Variants in PRSS36 observed in about 807,000 individuals in gnomAD.
PRSS36 encodes the protein polyserase-2.
PRSS36 carries 90 observed loss-of-function variants against 94.3 expected under a neutral mutation model. The observed-to-expected ratio is 0.95, with a 90% CI of 0.80 to 1.14. PRSS36 has a LOEUF of 1.14. Ranked by LOEUF, PRSS36 falls within the 50% of genes most tolerant of loss-of-function variation. PRSS36 has a pLI of 0.00. For missense variants in PRSS36, 1,158 were observed against 1,135.0 expected, an observed-to-expected ratio of 1.02 and a Z score of -0.29; for synonymous variants, 500 against 489.6, an observed-to-expected ratio of 1.02 and a Z score of -0.28.
chr16:31,149,313 C>A, intron 3 of PRSS36, 78 bp from the exon 4 acceptor site: 1 of 1,504,098 alleles, frequency 6.6e-7, no homozygotes, highest in Non-Finnish European at 9.0e-7. Context: ...AGGACGAAGG[C>A]CCGTCCTCCA....
intron 6 of PRSS36, 152 bp from the exon 7 acceptor site, chr16:31,143,989 A>C (rs2057759842): frequency 2.1e-6 from 2 of 975,596 alleles, no homozygotes; most frequent in Admixed American, 5.5e-5. Flanking sequence ...CTGCGGCTCT[A>C]AACAGAAGAA....
chr16:31,143,010 G>A lies in PRSS36; in HGVS notation c.1101-17C>T, dbSNP rs1470756163. Reference sequence around the variant, plus strand: ...CTGTTCGGGCTGCGGGATGGGGGCCGAGGGACGTGGGCCGGATCCCGCACA... The same window carrying A: ...CTGTTCGGGCTGCGGGATGGGGGCCAAGGGACGTGGGCCGGATCCCGCACA... On this transcript the variant is annotated splice_polypyrimidine_tract_variant and intron_variant, in intron 8 of 14. Transcript: ENST00000268281. 1.5e-6 allele frequency: 2 copies of A among 1,375,690 alleles called. No homozygotes were observed. Among genetic ancestry groups the A allele is most frequent in the East Asian group, 3.0e-5 (1 of 33,818 alleles). The allele number at this position is 1,375,690 out of a possible 1,614,324, so 85.2% of individuals were successfully genotyped here.
At chr16:31,145,391 A>AAG (rs1567451515) in intron 6 of PRSS36, among the ~76,000 whole-genome samples, 3 of 149,958 alleles carry the variant, frequency 2.0e-5, no homozygotes, top group African/African-American at 7.4e-5. Flanking sequence ...AAAAAAAAAA[A>AAG]AAGGAACTCC....
chr16:31,140,823 A>T, intron 12 of PRSS36, 66 bp from the exon 13 acceptor site: 1 of 1,557,952 alleles, frequency 6.4e-7, no homozygotes, highest in Non-Finnish European at 8.8e-7. Context: ...TTCCCAGCCC[A>T]GGGGAAGGAT....
At chr16:31,143,279 TG>T in intron 8 of PRSS36, 62 bp downstream of exon 8, 1 of 1,528,434 alleles carries the variant, frequency 6.5e-7, no homozygotes, top group Non-Finnish European at 8.8e-7. Flanking sequence ...TGGGGCCGAA[TG>T]GATGGTATCT....
At chr16:31,143,176 A>G (rs1261011678) in intron 8 of PRSS36, among the ~76,000 whole-genome samples, 166 bp downstream of exon 8, 3 of 151,296 alleles carry the variant, frequency 2.0e-5, no homozygotes, top group Admixed American at 6.6e-5. Flanking sequence ...CCATGCCTCT[A>G]CCCACCCCTG....
intron 12 of PRSS36, 150 bp from the exon 13 acceptor site, chr16:31,140,907 C>T (rs889438816): frequency 6.4e-5 from 53 of 825,936 alleles, no homozygotes; most frequent in Non-Finnish European, 9.7e-5. Context: ...CAAAACATCT[C>T]CCAGTGCTGT....
chr16:31,143,276 G>C (rs367658414), intron 8 of PRSS36, 66 bp downstream of exon 8: 1 of 1,527,066 alleles, frequency 6.5e-7, no homozygotes. Context: ...GGCTGGGGCC[G>C]AATGGATGGT....
chr16:31,142,573 C>G lies in PRSS36; in HGVS notation c.1429G>C (p.Gly477Arg), dbSNP rs1467966903. 6.6e-7 allele frequency: 1 copy of G among 1,525,312 alleles called. No homozygotes were observed. The highest frequency in any genetic ancestry group is 2.0e-5 in the Admixed American group (1 of 50,092). The allele number at this position is 1,525,312 out of a possible 1,614,324, so 94.5% of individuals were successfully genotyped here. Residue 477 changes from glycine to arginine, a missense_variant, in exon 10 of 15, where the codon GGC (glycine) becomes CGC (arginine). Gly to Arg is a moderately radical substitution (Grantham distance 125). Coordinates refer to ENST00000268281, the MANE Select transcript of PRSS36 (RefSeq NM_173502.5). Reference protein sequence around the residue: ...LGGWWCHCLYGRQGAAVPLPG... With the variant: ...LGGWWCHCLYRRQGAAVPLPG... ...AGCGGTACTGCCGCCCCCTGGCGGC[C>G]GTACAGGCAGTGGCACCACCAGCCG... is the stretch of plus-strand genomic sequence containing the variant.
intron 9 of PRSS36, 39 bp from the exon 10 acceptor site, chr16:31,142,683 G>T: frequency 7.1e-7 from 1 of 1,399,986 alleles, no homozygotes. Flanking sequence ...CTGCGGCCCA[G>T]ACGGCCCCTG....
rs1241705827 is a variant in PRSS36 at position 31,142,908 on chromosome 16, G to T, written c.1186C>A (p.Arg396Ser). 2.0e-6 allele frequency: 3 copies of T among 1,536,808 alleles called. No homozygotes were observed. The highest frequency in any genetic ancestry group is 2.6e-5 in the East Asian group (1 of 38,762). ...GAAGCGTTCTCGTGCTGCACCAGGC[G>T]CGCCACCCGCTCCGCGCGCGGGCGC... Reference protein sequence around the residue: ...PSRPRAERVARLVQHENASWD... With the variant: ...PSRPRAERVASLVQHENASWD... Residue 396 changes from arginine (R) to serine (S), a missense_variant, in exon 9 of 15, where the codon CGC becomes AGC. Arg to Ser is a moderately radical substitution (Grantham distance 110). Coordinates refer to ENST00000268281, the MANE Select transcript of PRSS36 (RefSeq NM_173502.5).
chr16:31,145,835 C>T lies in PRSS36; in HGVS notation c.674G>A (p.Gly225Glu), dbSNP rs985796700. The change falls in exon 6 of 15, where the codon GGG (glycine) becomes GAG (glutamate). Residue 225 changes from glycine (G) to glutamate (E), a missense_variant. Gly to Glu is a moderately conservative substitution (Grantham distance 98). Transcript: ENST00000268281. ...CTCTGGGTAGCCAGCACACAGCATC[C>T]CTGGCAATATCTGGAGAGTGAGGTT... Reference protein sequence around the residue: ...PFNLTLQILPGMLCAGYPEGR... With the variant: ...PFNLTLQILPEMLCAGYPEGR... 1.7e-5 allele frequency: 28 copies of T among 1,613,970 alleles called. No homozygotes were observed. The highest frequency in any genetic ancestry group is 4.0e-5 in the African/African-American group (3 of 74,950).
At chr16:31,148,289 G>A (rs992098890) in intron 5 of PRSS36, 106 bp downstream of exon 5, 7 of 1,259,320 alleles carry the variant, frequency 5.6e-6, no homozygotes, top group Non-Finnish European at 7.4e-6. Flanking sequence ...AACGCTCCCC[G>A]CAGGCTCCGC....
At chr16:31,148,176 G>A (rs2057825297) in intron 5 of PRSS36, among the ~76,000 whole-genome samples, 1 of 152,176 alleles carries the variant, frequency 6.6e-6, no homozygotes, top group South Asian at 2.1e-4. Context: ...AATGGGGTGC[G>A]TGTGGGTGAT....
In PRSS36 at chr16:31,148,432, G is replaced by A. The variant is rs1307400801; in HGVS notation, c.516C>T (p.Ala172=). The stretch of plus-strand genomic sequence containing the variant: ...CGTCTCCCCAGCCGGTGGCCCAGCA[G>A]GCGGTGCCGTGCACGAAGCGGTGTG... ...RASHRFVHGT[A]CWATGWGDVQ... The change falls in exon 5 of 15, where the codon GCC becomes GCT. Residue 172 remains alanine, a synonymous_variant. Transcript: ENST00000268281. The A allele has an allele frequency of 6.4e-7, 1 of 1,573,780 alleles. No individual in the cohort carries two copies. Among genetic ancestry groups the A allele is most frequent in the Admixed American group, 1.8e-5 (1 of 56,876 alleles).
chr16:31,141,848 G>A lies in PRSS36; in HGVS notation c.1634C>T (p.Thr545Ile), dbSNP rs753265209. The A allele has an allele frequency of 4.3e-6, 7 of 1,614,210 alleles. No homozygotes were observed. The highest frequency in any genetic ancestry group is 4.5e-5 in the East Asian group (2 of 44,892). ...CACATGGCTGATCCATGGGCCATGA[G>A]TCTGCAGAGGGAAGAAGGCTCGGGG... is the stretch of plus-strand genomic sequence containing the variant. ...LRPRAFFPLQ[T>I]HGPWISHVTR... The change falls in exon 11 of 15, where the codon ACT (threonine) becomes ATT (isoleucine). Residue 545 changes from threonine (T) to isoleucine (I), a missense_variant. By Grantham distance (89) the Thr-to-Ile change is moderately conservative. Transcript: ENST00000268281.
chr16:31,141,998 T>C (rs747892358), intron 10 of PRSS36, 38 bp from the exon 11 acceptor site: 2 of 1,570,554 alleles, frequency 1.3e-6, no homozygotes, highest in African/African-American at 2.7e-5. Flanking sequence ...TGCCTCTGCG[T>C]GTGTGCAGAG....
At chr16:31,146,556 A>G (rs2057801747) in intron 5 of PRSS36, among the ~76,000 whole-genome samples, 1 of 152,192 alleles carries the variant, frequency 6.6e-6, no homozygotes, top group Non-Finnish European at 1.5e-5. Context: ...CTCACCAAGA[A>G]AAATAAACGG....
chr16:31,140,189 CAAAAAAAAAA>C, intron 14 of PRSS36, 95 bp downstream of exon 14: 1 of 1,211,948 alleles, frequency 8.3e-7, no homozygotes, highest in Non-Finnish European at 1.1e-6. Context: ...GACTCTGTCT[CAAAAAAAAAA>C]AAAAAAAAAA....
Sources: gnomAD v4.1 joint callset for allele counts (sites outside exome capture counted in the v4.1 genomes callset) on GRCh38, gnomAD v4.1.1 for gene constraint, MANE v1.5 for transcripts, NCBI Gene and HGNC (gene_info 2026-07-23, HGNC 2026-07-21) for gene names.